LYN: variants seen among roughly 807,000 people sequenced by gnomAD.
LYN encodes the protein LYN proto-oncogene, Src family tyrosine kinase, also known as tyrosine-protein kinase Lyn.
In LYN, 12 loss-of-function variants were observed where a neutral mutation model predicts 65.0. The ratio of observed to expected loss-of-function variants is 0.18; its 90% confidence interval spans 0.12 to 0.30. The LOEUF (loss-of-function observed/expected upper bound fraction) is 0.30, where lower values mean the gene tolerates loss of function less well. LYN is among the 10% of genes least tolerant of loss of function. The pLI is 1.00. For synonymous variants in LYN, 222 were observed against 221.2 expected, an observed-to-expected ratio of 1.00 and a Z score of -0.03; for missense variants, 380 against 623.2, an observed-to-expected ratio of 0.61 and a Z score of 4.16.
chr8:55,973,477 G>A (rs1807665064), intron 10 of LYN, among the ~76,000 whole-genome samples: 2 of 152,328 alleles, frequency 1.3e-5, no homozygotes, highest in South Asian at 4.1e-4. Context: ...TACTTTCAGA[G>A]CAGAGAGACT....
chr8:55,969,538 C>T (rs1448936480), intron 9 of LYN, among the ~76,000 whole-genome samples, 179 bp from the exon 10 acceptor site: 1 of 152,220 alleles, frequency 6.6e-6, no homozygotes, highest in East Asian at 1.9e-4. Context: ...TCAAAGGTAA[C>T]AGATTAGAGG....
At chr8:55,890,893 A>G (rs1003621301) in intron 1 of LYN, among the ~76,000 whole-genome samples, 5 of 151,788 alleles carry the variant, frequency 3.3e-5, no homozygotes, top group Admixed American at 1.3e-4. Context: ...ATGCCTGGCT[A>G]GTTTTTTGTA....
chr8:55,957,799 T>G (rs537286545), intron 8 of LYN, among the ~76,000 whole-genome samples: 2 of 152,034 alleles, frequency 1.3e-5, no homozygotes, highest in Non-Finnish European at 2.9e-5. Flanking sequence ...AAAAAAAAAT[T>G]AGTTGAGCAT....
chr8:55,901,402 T>C (rs1197991100), intron 1 of LYN, among the ~76,000 whole-genome samples: 1 of 152,206 alleles, frequency 6.6e-6, no homozygotes, highest in Non-Finnish European at 1.5e-5. Context: ...TTGACTTTAA[T>C]ATGAAAGGAA....
chr8:55,930,273 T>A (rs911808868), intron 1 of LYN, among the ~76,000 whole-genome samples: 1 of 152,244 alleles, frequency 6.6e-6, no homozygotes, highest in Non-Finnish European at 1.5e-5. Context: ...TCCACTTCTT[T>A]TAGGTGTCTT....
intron 10 of LYN, among the ~76,000 whole-genome samples, chr8:55,977,084 C>T (rs1394475824): frequency 6.6e-6 from 1 of 152,070 alleles, no homozygotes; most frequent in Admixed American, 6.6e-5. Flanking sequence ...ACTCAGGAGG[C>T]TTAGGCAGGA....
chr8:55,884,172 T>A (rs1804722952), intron 1 of LYN, among the ~76,000 whole-genome samples: 5 of 152,208 alleles, frequency 3.3e-5, no homozygotes. Flanking sequence ...CAATCTCAGC[T>A]CACGGCAATC....
At chr8:55,886,793 A>C (rs953911569) in intron 1 of LYN, among the ~76,000 whole-genome samples, 2 of 152,228 alleles carry the variant, frequency 1.3e-5, no homozygotes, top group African/African-American at 4.8e-5. Flanking sequence ...GTGATAATTT[A>C]ATACATCATA....
chr8:55,988,542 T>C (rs1808149133), intron 10 of LYN, among the ~76,000 whole-genome samples: 1 of 152,148 alleles, frequency 6.6e-6, no homozygotes, highest in Admixed American at 6.5e-5. Flanking sequence ...TTCTTCTTTT[T>C]CTCAAGCATA....
chr8:55,909,030 C>T (rs879664791), intron 1 of LYN, among the ~76,000 whole-genome samples: 23,814 of 46,128 alleles, frequency 0.52, 6,239 homozygotes, highest in East Asian at 0.81. Flanking sequence ...CACACACACA[C>T]ACACACACAC....
chr8:56,007,073 A>G (rs1359647779), intron 12 of LYN, among the ~76,000 whole-genome samples: 1 of 152,200 alleles, frequency 6.6e-6, no homozygotes, highest in Non-Finnish European at 1.5e-5. Flanking sequence ...CCAGGAAAAA[A>G]AAATCTGCTG....
intron 2 of LYN, among the ~76,000 whole-genome samples, chr8:55,942,899 C>T (rs1209850811): frequency 6.6e-6 from 1 of 151,622 alleles, no homozygotes; most frequent in East Asian, 1.9e-4. Context: ...TTTGTTGTAT[C>T]ATACTTTATC....
chr8:55,977,686 G>A (rs191581830), intron 10 of LYN, among the ~76,000 whole-genome samples: 4 of 151,812 alleles, frequency 2.6e-5, no homozygotes, highest in East Asian at 1.9e-4. Flanking sequence ...GCTGAAGTGG[G>A]AGGGTTGCCT....
intron 1 of LYN, among the ~76,000 whole-genome samples, chr8:55,930,158 C>G (rs977676143): frequency 6.6e-6 from 1 of 152,186 alleles, no homozygotes; most frequent in African/African-American, 2.4e-5. Flanking sequence ...AAACCAGTCA[C>G]GGATGCTAAA....
intron 1 of LYN, among the ~76,000 whole-genome samples, chr8:55,902,296 T>G (rs1350155371): frequency 6.6e-6 from 1 of 151,702 alleles, no homozygotes; most frequent in African/African-American, 2.4e-5. Context: ...GCGTGAGCCA[T>G]TGCGCCTGGC....
chr8:56,003,870 G>A (rs552140006), intron 12 of LYN, among the ~76,000 whole-genome samples: 23 of 149,958 alleles, frequency 1.5e-4, no homozygotes, highest in African/African-American at 5.1e-4. Flanking sequence ...TTTTCTTCTT[G>A]ATGAATTTCT....
In LYN at chr8:55,999,645, C is replaced by T. The variant is rs544286680; in HGVS notation, c.1336+96C>T. 1.2e-5 allele frequency: 15 copies of T among 1,233,910 alleles called. No homozygotes were observed. The African/African-American group carries it at 1.3e-4, about 11-fold the overall frequency. 76.4% of individuals were successfully genotyped at this position (1,233,910 alleles called of 1,614,324 possible). On this transcript the variant is annotated intron_variant, in intron 12 of 12. Coordinates refer to ENST00000519728, the MANE Select transcript of LYN (RefSeq NM_002350.4). ...AAAAGTAATAATTACTTCATCTACC[C>T]GATAGCAAAGAATAAGTGCTTTGAG...
At chr8:55,913,267 T>C (rs183885700) in intron 1 of LYN, among the ~76,000 whole-genome samples, 41 of 152,340 alleles carry the variant, frequency 2.7e-4, no homozygotes, top group Admixed American at 2.1e-3. Context: ...GTTGCTTTCT[T>C]TCCAAAGGTA....
Position 55,886,026 on chromosome 8 carries a change from G to A in LYN, c.-6+5923G>A, listed in dbSNP as rs374524427. The stretch of plus-strand genomic sequence containing the variant: ...GAGCCTGCTTTGCGAAGCCCACCCT[G>A]GCCATGCCTGACTTTTTCAGCAACG... On this transcript the variant is annotated intron_variant, in intron 1 of 12. Transcript: ENST00000519728. Among the ~76,000 whole-genome samples the A allele has an allele frequency of 3.3e-4, 50 of 152,256 alleles. 1 individual carries two copies. The East Asian group carries it at 3.9e-3, about 12-fold the overall frequency.
Sources: gnomAD v4.1 joint callset for allele counts (sites outside exome capture counted in the v4.1 genomes callset) on GRCh38, gnomAD v4.1.1 for gene constraint, MANE v1.5 for transcripts, NCBI Gene and HGNC (gene_info 2026-07-23, HGNC 2026-07-21) for gene names.